Variants in CDCP1 observed in about 807,000 individuals in gnomAD.
CDCP1 encodes the protein CUB domain-containing protein 1.
A neutral mutation model predicts 60.2 loss-of-function variants in CDCP1; 29 were observed. That is an observed-to-expected ratio of 0.48 (90% confidence interval 0.36 to 0.66). The LOEUF is 0.66. Ranked by LOEUF, CDCP1 falls within the 30% of genes least tolerant of loss-of-function variation. The pLI, the probability that CDCP1 is intolerant of heterozygous loss-of-function variation, is 0.00. For missense variants in CDCP1, 876 were observed against 1,074.3 expected (o/e 0.82, Z 2.58); for synonymous variants, 387 against 431.1 (o/e 0.90, Z 1.27).
At chr3:45,093,150 T>C (rs1188712181) in intron 6 of CDCP1, 127 bp downstream of exon 6, 12 of 1,065,568 alleles carry the variant, frequency 1.1e-5, no homozygotes, top group African/African-American at 1.6e-5. Context: ...AAATTTCTTG[T>C]GCAAGGACCA....
At chr3:45,146,380 G>A, upstream of CDCP1, 1 of 1,149,208 alleles carries the variant, frequency 8.7e-7, no homozygotes, top group African/African-American at 1.6e-5. Flanking sequence ...CTCCGCCCTG[G>A]CTCACTCACC....
Position 45,085,817 on chromosome 3 carries a change from T to C in CDCP1, c.2332A>G (p.Thr778Ala). 2 of 1,613,762 alleles carry C rather than the reference T, an allele frequency of 1.2e-6. No homozygotes were observed. The highest frequency in any genetic ancestry group is 1.7e-6 in the Non-Finnish European group (2 of 1,179,928). Reference protein sequence around the residue: ...TMGVCPPSPPTICSRAPTAKL... With the variant: ...TMGVCPPSPPAICSRAPTAKL... Reference sequence around the variant, plus strand: ...GCAGTTGGGGCCCTGGAGCATATGGTGGGTGGGGAGGGAGGACAGACCCCC... The same window carrying C: ...GCAGTTGGGGCCCTGGAGCATATGGCGGGTGGGGAGGGAGGACAGACCCCC... Residue 778 changes from threonine (T) to alanine (A), a missense_variant, in exon 9 of 9, where the codon ACC becomes GCC. Transcript: ENST00000296129. The surrounding 1 kb of genome is among the most constrained non-coding windows in gnomAD (Gnocchi z 4.2).
intron 4 of CDCP1, among the ~76,000 whole-genome samples, chr3:45,101,653 G>A (rs755293025): frequency 1.3e-5 from 2 of 152,164 alleles, no homozygotes; most frequent in East Asian, 1.9e-4. Context: ...TTGGGAGGCC[G>A]AGGTGGGCAG....
chr3:45,126,180 TTC>T (rs1339251317), intron 1 of CDCP1, among the ~76,000 whole-genome samples: 5 of 123,390 alleles, frequency 4.1e-5, no homozygotes, highest in Non-Finnish European at 8.3e-5. Flanking sequence ...CTTTCCTTCT[TTC>T]TCTCTCTCTC....
intron 7 of CDCP1, 41 bp from the exon 8 acceptor site, chr3:45,089,182 G>C (rs759680648): frequency 6.5e-7 from 1 of 1,537,660 alleles, no homozygotes; most frequent in East Asian, 2.3e-5. Context: ...AGAGGCAGCT[G>C]GGGTGAGCTC....
intron 4 of CDCP1, among the ~76,000 whole-genome samples, chr3:45,099,864 G>A (rs1019084372): frequency 6.6e-6 from 1 of 151,880 alleles, no homozygotes; most frequent in Non-Finnish European, 1.5e-5. Context: ...TTACATAAAC[G>A]CAGCATCTCT....
chr3:45,146,146 C>T (rs1699384004), intron 1 of CDCP1, 60 bp downstream of exon 1: 2 of 1,448,412 alleles, frequency 1.4e-6, no homozygotes, highest in Admixed American at 2.1e-5. Context: ...CTCCGCCGGG[C>T]GTCCGCTGGC....
chr3:45,118,125 T>C (rs570870652), intron 2 of CDCP1, among the ~76,000 whole-genome samples: 51 of 152,368 alleles, frequency 3.3e-4, no homozygotes, highest in Admixed American at 1.8e-3. Flanking sequence ...AAAGCCACAG[T>C]ACCTGGGTTC....
At chr3:45,127,069 A>G (rs1699013310) in intron 1 of CDCP1, among the ~76,000 whole-genome samples, 1 of 152,212 alleles carries the variant, frequency 6.6e-6, no homozygotes, top group Admixed American at 6.5e-5. Context: ...AACAAAGTCA[A>G]TCAAGGTAGA....
intron 1 of CDCP1, among the ~76,000 whole-genome samples, chr3:45,124,297 A>G (rs1481775980): frequency 1.3e-5 from 2 of 152,200 alleles, no homozygotes; most frequent in African/African-American, 4.8e-5. Flanking sequence ...AGTTTAAAAG[A>G]CTGGCAAAAT....
In CDCP1 at chr3:45,093,602, A is replaced by T; in HGVS notation, c.1302T>A (p.Ser434Arg). ...GCTCCACAGGCAGGTGGAGGATGTC[A>T]CTGGGCACCTGGAGTGAGTAGGATT... ...QRKSYSLQVP[S>R]DILHLPVELH... The change falls in exon 6 of 9, where the codon AGT becomes AGA. Residue 434 changes from serine to arginine, a missense_variant. Coordinates refer to ENST00000296129, the MANE Select transcript of CDCP1 (RefSeq NM_022842.5). 6.2e-7 allele frequency: 1 copy of T among 1,614,172 alleles called. No homozygotes were observed. The highest frequency in any genetic ancestry group is 1.1e-5 in the South Asian group (1 of 91,086).
chr3:45,093,195 A>C, intron 6 of CDCP1, 82 bp downstream of exon 6: 24 of 1,448,322 alleles, frequency 1.7e-5, no homozygotes, highest in Non-Finnish European at 2.0e-5. Flanking sequence ...CAAACTGGCA[A>C]CTTAATTAAG....
Position 45,110,640 on chromosome 3 carries a change from G to C in CDCP1, c.857C>G (p.Pro286Arg). 1 of 1,614,168 alleles carries C rather than the reference G, an allele frequency of 6.2e-7. No homozygotes were observed. Among genetic ancestry groups the C allele is most frequent in the Non-Finnish European group, 8.5e-7 (1 of 1,180,030 alleles). ...RKEERVEYYI[P>R]GSTTNPEVFK... ...CACCTCGGGGTTGGTGGTGGAGCCC[G>C]GGATGTAGTATTCAACCCGCTCCTC... is the stretch of plus-strand genomic sequence containing the variant. Residue 286 changes from proline (P) to arginine (R), a missense_variant, in exon 4 of 9, where the codon CCG becomes CGG. Around this residue, in one of 2 missense-constraint regions of CDCP1, gnomAD observed 726 missense variants for 935.7 expected, o/e 0.78. Coordinates refer to ENST00000296129, the MANE Select transcript of CDCP1 (RefSeq NM_022842.5).
intron 1 of CDCP1, among the ~76,000 whole-genome samples, chr3:45,124,849 C>T (rs1698949797): frequency 6.6e-6 from 1 of 152,192 alleles, no homozygotes; most frequent in African/African-American, 2.4e-5. Flanking sequence ...ATATCCACCC[C>T]AAGGGGACAC....
At chr3:45,143,563 G>A (rs1322823869) in intron 1 of CDCP1, among the ~76,000 whole-genome samples, 2 of 152,212 alleles carry the variant, frequency 1.3e-5, no homozygotes, top group Non-Finnish European at 2.9e-5. Context: ...TAAGAAGACT[G>A]CATCAAAGTG....
At chr3:45,138,090 T>A (rs575019104) in intron 1 of CDCP1, among the ~76,000 whole-genome samples, 1 of 152,314 alleles carries the variant, frequency 6.6e-6, no homozygotes, top group African/African-American at 2.4e-5. Context: ...GTGTTCTCAT[T>A]CCCATCTCAA....
intron 1 of CDCP1, among the ~76,000 whole-genome samples, chr3:45,121,738 G>A (rs1269327439): frequency 6.6e-6 from 1 of 152,170 alleles, no homozygotes; most frequent in Non-Finnish European, 1.5e-5. Context: ...GGACTGTTTT[G>A]TATCTTGACG....
intron 2 of CDCP1, among the ~76,000 whole-genome samples, chr3:45,117,950 C>A (rs1011800473): frequency 6.6e-6 from 1 of 152,200 alleles, no homozygotes; most frequent in Non-Finnish European, 1.5e-5. Flanking sequence ...GTGTGAACCA[C>A]CACGCCCGGC....
intron 7 of CDCP1, among the ~76,000 whole-genome samples, chr3:45,089,921 C>T (rs1479173618): frequency 2.0e-5 from 3 of 152,208 alleles, no homozygotes; most frequent in African/African-American, 7.2e-5. Context: ...CTGTCCTTTT[C>T]CTGCAGCTGC....
Sources: gnomAD v4.1 joint callset for allele counts (sites outside exome capture counted in the v4.1 genomes callset) on GRCh38, gnomAD v4.1.1 for gene constraint, gnomAD v4.1.1 regional missense constraint, Gnocchi (gnomAD v3.1) non-coding constraint, MANE v1.5 for transcripts, NCBI Gene and HGNC (gene_info 2026-07-23, HGNC 2026-07-21) for gene names.